The following CSMD1 variants were observed in gnomAD, a reference collection of about 807,000 sequenced individuals.
CSMD1 encodes the protein CUB and Sushi multiple domains 1.
In CSMD1, 213 loss-of-function variants were observed where a neutral mutation model predicts 417.5. That is an observed-to-expected ratio of 0.51 (90% confidence interval 0.46 to 0.57). CSMD1 has a LOEUF of 0.57. CSMD1 is among the 20% of genes least tolerant of loss of function. The probability of loss-of-function intolerance (pLI) is 0.00; values close to 1 mark genes in which losing one functional copy is unlikely to be tolerated. For missense variants in CSMD1, 6,923 were observed against 4,529.7 expected (o/e 1.53, Z -15.17); for synonymous variants, 2,862 against 1,736.8 (o/e 1.65, Z -16.11).
chr8:3,349,801 A>ATGTC (rs1808273433), intron 21 of CSMD1, among the ~76,000 whole-genome samples: 1 of 142,714 alleles, frequency 7.0e-6, no homozygotes, highest in Non-Finnish European at 1.5e-5. Flanking sequence ...ATATCTATAA[A>ATGTC]TAGATATAAA....
chr8:4,815,424 A>C (rs947538286), intron 1 of CSMD1, among the ~76,000 whole-genome samples: 1 of 152,090 alleles, frequency 6.6e-6, no homozygotes, highest in African/African-American at 2.4e-5. Flanking sequence ...AACCGGGCTT[A>C]TTGGCTCAAG....
intron 3 of CSMD1, among the ~76,000 whole-genome samples, chr8:4,142,358 T>G (rs1374925106): frequency 6.6e-6 from 1 of 151,114 alleles, no homozygotes; most frequent in Non-Finnish European, 1.5e-5. Context: ...GATATTTGGC[T>G]GTAGGCAAAT....
intron 3 of CSMD1, among the ~76,000 whole-genome samples, chr8:4,281,953 C>T (rs1796807455): frequency 6.6e-6 from 1 of 152,162 alleles, no homozygotes; most frequent in Non-Finnish European, 1.5e-5. Context: ...CCTGTTAGGG[C>T]TTGATCAGGT....
intron 3 of CSMD1, among the ~76,000 whole-genome samples, chr8:4,034,616 C>G (rs1199325190): frequency 2.0e-5 from 3 of 152,228 alleles, no homozygotes; most frequent in East Asian, 1.9e-4. Context: ...GAGCCGAGAG[C>G]TCTTACAGTC....
chr8:3,230,010 A>G (rs764758894), intron 27 of CSMD1, 30 bp downstream of exon 27: 197 of 1,451,768 alleles, frequency 1.4e-4, no homozygotes, highest in Middle Eastern at 3.7e-4. Context: ...ATTCCTGAAT[A>G]TAAAATTTCT....
chr8:4,538,133 T>C (rs1797194582), intron 2 of CSMD1, among the ~76,000 whole-genome samples: 1 of 152,102 alleles, frequency 6.6e-6, no homozygotes, highest in Non-Finnish European at 1.5e-5. Flanking sequence ...GAGCCTGTGA[T>C]GTCATTTGGC....
At chr8:3,783,214 G>T (rs556315639) in intron 5 of CSMD1, among the ~76,000 whole-genome samples, 5 of 152,126 alleles carry the variant, frequency 3.3e-5, no homozygotes, top group Admixed American at 2.6e-4. Context: ...CTTGTTCCTG[G>T]ATAGCAGTGC....
intron 11 of CSMD1, among the ~76,000 whole-genome samples, chr8:3,471,405 A>T (rs1817088802): frequency 6.6e-6 from 1 of 152,174 alleles, no homozygotes. Context: ...TTGGTTCCAC[A>T]TGCAATTACA....
Position 4,220,836 on chromosome 8 carries a change from A to G in CSMD1, c.416-188737T>C, listed in dbSNP as rs550719108. 1.1e-4 allele frequency among the ~76,000 whole-genome samples: 17 copies of G among 152,342 alleles called. No homozygotes were observed. The East Asian group carries it at 3.1e-3, about 28-fold the overall frequency. On this transcript the variant is annotated intron_variant, in intron 3 of 69. Coordinates refer to ENST00000635120, the MANE Select transcript of CSMD1 (RefSeq NM_033225.6). ...GTAAGACACCATGGGGCTGAGTGAG[A>G]ACTACAAGAGGAAAAGTAGCTTGGG...
chr8:3,793,051 G>T (rs553991479), intron 5 of CSMD1, among the ~76,000 whole-genome samples: 1 of 152,144 alleles, frequency 6.6e-6, no homozygotes, highest in East Asian at 1.9e-4. Context: ...GCTAAGAATG[G>T]AGTAAAACAC....
chr8:3,432,030 A>AAGAAG (rs1481739618), intron 12 of CSMD1, among the ~76,000 whole-genome samples: 2 of 152,138 alleles, frequency 1.3e-5, no homozygotes, highest in Non-Finnish European at 2.9e-5. Flanking sequence ...TGTTCTGCTA[A>AAGAAG]ATTTTTGAAG....
intron 3 of CSMD1, among the ~76,000 whole-genome samples, chr8:4,206,093 A>C (rs62501363): frequency 6.6e-6 from 1 of 152,240 alleles, no homozygotes; most frequent in South Asian, 2.1e-4. Flanking sequence ...AAAGTGAGTA[A>C]ATAGGATAAA....
intron 46 of CSMD1, 96 bp from the exon 47 acceptor site, chr8:3,097,133 G>C: frequency 9.7e-7 from 1 of 1,026,776 alleles, no homozygotes; most frequent in Non-Finnish European, 1.4e-6. Context: ...TCAATGAAAG[G>C]AAAAAGCAAT....
intron 5 of CSMD1, among the ~76,000 whole-genome samples, chr8:3,947,629 C>A (rs1401075858): frequency 2.0e-5 from 3 of 150,290 alleles, no homozygotes; most frequent in Non-Finnish European, 4.5e-5. Flanking sequence ...AGGAGCTTTC[C>A]CACATATTCT....
At chr8:3,606,136 G>C (rs2469345) in intron 8 of CSMD1, among the ~76,000 whole-genome samples, 109,225 of 152,126 alleles carry the variant, frequency 0.72, 39,864 homozygotes, top group Non-Finnish European at 0.79. Context: ...TGGGTGTAAA[G>C]AGCCCCTCGT....
At chr8:4,054,941 C>T (rs1208837099) in intron 3 of CSMD1, among the ~76,000 whole-genome samples, 1 of 152,132 alleles carries the variant, frequency 6.6e-6, no homozygotes, top group African/African-American at 2.4e-5. Flanking sequence ...CAATAAAGTA[C>T]AAAGAGACAT....
intron 50 of CSMD1, among the ~76,000 whole-genome samples, chr8:3,040,527 G>A (rs888849918): frequency 1.9e-4 from 28 of 151,278 alleles, no homozygotes; most frequent in Admixed American, 1.1e-3. Context: ...AAATTGGGCC[G>A]GGCACGGTGG....
intron 3 of CSMD1, among the ~76,000 whole-genome samples, chr8:4,239,353 A>T (rs1504776): frequency 2.4e-4 from 36 of 152,298 alleles, no homozygotes; most frequent in African/African-American, 8.2e-4. Flanking sequence ...CCTTGGTGGA[A>T]CTGCCAATGA....
intron 3 of CSMD1, among the ~76,000 whole-genome samples, chr8:4,401,512 G>A (rs1267993669): frequency 1.3e-5 from 2 of 152,070 alleles, no homozygotes; most frequent in Non-Finnish European, 2.9e-5. Flanking sequence ...GAACCTCCCA[G>A]GTCAGCTTCT....
Sources: allele counts gnomAD v4.1 joint callset (sites outside exome capture counted in the v4.1 genomes callset), GRCh38; gene constraint gnomAD v4.1.1; transcripts MANE v1.5; gene names NCBI Gene and HGNC (gene_info 2026-07-23, HGNC 2026-07-21).